Variants in STXBP6 observed in about 807,000 individuals in gnomAD.
The protein encoded by STXBP6 is syntaxin binding protein 6, also known as syntaxin-binding protein 6.
In STXBP6, 21 loss-of-function variants were observed where a neutral mutation model predicts 26.9. The observed-to-expected ratio is 0.78, with a 90% CI of 0.55 to 1.12. The LOEUF (loss-of-function observed/expected upper bound fraction) is 1.12, where lower values mean the gene tolerates loss of function less well. Among genes scored for constraint, STXBP6 ranks in the 50% most tolerant of loss-of-function variants. STXBP6 has a pLI of 0.00. For synonymous variants in STXBP6, 97 were observed against 92.6 expected (o/e 1.05, Z -0.27); for missense variants, 232 against 257.9 (o/e 0.90, Z 0.69).
intron 4 of STXBP6, among the ~76,000 whole-genome samples, chr14:24,829,586 T>C (rs987595987): frequency 1.1e-4 from 17 of 152,210 alleles, no homozygotes; most frequent in Non-Finnish European, 2.1e-4. Flanking sequence ...TACTCAACCA[T>C]TGATGTACTT....
chr14:25,020,344 T>C (rs2075239007), intron 1 of STXBP6, among the ~76,000 whole-genome samples: 1 of 152,212 alleles, frequency 6.6e-6, no homozygotes, highest in Non-Finnish European at 1.5e-5. Flanking sequence ...AGTATATATT[T>C]TGAAAACAAA....
intron 2 of STXBP6, among the ~76,000 whole-genome samples, chr14:24,890,065 T>C (rs1052043970): frequency 1.3e-5 from 2 of 152,246 alleles, no homozygotes; most frequent in African/African-American, 4.8e-5. Context: ...GGTATTGCTA[T>C]GGACTGCAAA....
intron 1 of STXBP6, among the ~76,000 whole-genome samples, chr14:25,020,911 G>A (rs531696409): frequency 6.6e-6 from 1 of 152,232 alleles, no homozygotes; most frequent in East Asian, 1.9e-4. Context: ...GTCTACAACT[G>A]TGCACCTGGA....
intron 2 of STXBP6, among the ~76,000 whole-genome samples, chr14:24,939,355 A>G (rs761304024): frequency 2.6e-5 from 4 of 152,216 alleles, no homozygotes; most frequent in Admixed American, 2.0e-4. Flanking sequence ...TAGGCAAGCT[A>G]AAGGGTAATG....
intron 2 of STXBP6, among the ~76,000 whole-genome samples, chr14:24,897,428 G>C (rs759850884): frequency 1.2e-5 from 1 of 80,402 alleles, no homozygotes; most frequent in African/African-American, 4.3e-5. Context: ...AAAAAAAAAA[G>C]GAAAAAAAAA....
intron 2 of STXBP6, among the ~76,000 whole-genome samples, chr14:24,959,298 G>T (rs2073447265): frequency 6.6e-6 from 1 of 152,156 alleles, no homozygotes; most frequent in Non-Finnish European, 1.5e-5. Flanking sequence ...TAGAGTGAAG[G>T]AACAGTGGCC....
At chr14:24,959,350 G>A (rs920789760) in intron 2 of STXBP6, among the ~76,000 whole-genome samples, 2 of 152,152 alleles carry the variant, frequency 1.3e-5, no homozygotes, top group Non-Finnish European at 2.9e-5. Context: ...GAAGCAAAGG[G>A]CACAAGAGGC....
At chr14:24,959,003 C>T (rs186885492) in intron 2 of STXBP6, among the ~76,000 whole-genome samples, 4 of 152,182 alleles carry the variant, frequency 2.6e-5, no homozygotes, top group South Asian at 2.1e-4. Flanking sequence ...TGTCATAATG[C>T]GTCTATCAAC....
intron 2 of STXBP6, among the ~76,000 whole-genome samples, chr14:24,920,245 T>A (rs927040916): frequency 2.0e-5 from 3 of 152,048 alleles, no homozygotes; most frequent in East Asian, 3.9e-4. Flanking sequence ...TGTATAAATG[T>A]TATTGTGTTT....
chr14:24,984,272 A>G (rs2140252250), intron 1 of STXBP6, among the ~76,000 whole-genome samples: 1 of 152,272 alleles, frequency 6.6e-6, no homozygotes, highest in South Asian at 2.1e-4. Flanking sequence ...AGAAAAAGAA[A>G]AAAGAAACCT....
At chr14:24,992,704 G>A (rs1186620313) in intron 1 of STXBP6, among the ~76,000 whole-genome samples, 1 of 152,150 alleles carries the variant, frequency 6.6e-6, no homozygotes, top group East Asian at 1.9e-4. Flanking sequence ...AATGCAATAA[G>A]CACCAATCAA....
At position 24,812,270 on chromosome 14, in the gene STXBP6, A is replaced by G. The variant is rs369862098; in HGVS notation, c.*439T>C. 6.3e-6 allele frequency: 1 copy of G among 159,218 alleles called. No individual in the cohort carries two copies. Among genetic ancestry groups the G allele is most frequent in the Non-Finnish European group, 1.4e-5 (1 of 72,390 alleles). 9.9% of individuals were successfully genotyped at this position (159,218 alleles called of 1,614,324 possible). A position where few individuals can be genotyped will look rare whatever the true frequency, so the allele number is the denominator to read the frequency against. On this transcript the variant is annotated 3_prime_UTR_variant, in exon 6 of 6. Transcript: ENST00000323944. Reference sequence around the variant, plus strand: ...TAATCACTGCTTGACTTTTATTTTCATCTAGGAAAAATAACATCTGATGTC... The same window carrying G: ...TAATCACTGCTTGACTTTTATTTTCGTCTAGGAAAAATAACATCTGATGTC...
intron 4 of STXBP6, among the ~76,000 whole-genome samples, chr14:24,843,754 C>T (rs989251972): frequency 6.6e-6 from 1 of 152,158 alleles, no homozygotes; most frequent in Non-Finnish European, 1.5e-5. Flanking sequence ...CATACCACAT[C>T]CTACCAGGAA....
intron 1 of STXBP6, among the ~76,000 whole-genome samples, chr14:25,047,159 T>G (rs2075740186): frequency 6.6e-6 from 1 of 152,206 alleles, no homozygotes. Flanking sequence ...TCCACAAATG[T>G]CTGAGGTTTC....
chr14:25,029,475 T>TA (rs1199291588), intron 1 of STXBP6, among the ~76,000 whole-genome samples: 5 of 152,182 alleles, frequency 3.3e-5, no homozygotes, highest in African/African-American at 1.2e-4. Context: ...GGACACTTAA[T>TA]AGACTTCAGT....
At chr14:24,899,803 A>AAAAAAAAAAAAAAAAAAAAGC (rs2071144681) in intron 2 of STXBP6, among the ~76,000 whole-genome samples, 1 of 80,118 alleles carries the variant, frequency 1.2e-5, no homozygotes, top group Non-Finnish European at 2.2e-5. Flanking sequence ...AAAAAAAGCA[A>AAAAAAAAAAAAAAAAAAAAGC]AAAAAAAAAA....
chr14:24,831,845 A>T (rs2068463757), intron 4 of STXBP6, among the ~76,000 whole-genome samples: 1 of 152,056 alleles, frequency 6.6e-6, no homozygotes, highest in Non-Finnish European at 1.5e-5. Flanking sequence ...ATTGTTTGAG[A>T]TTGGAAAGCA....
chr14:24,877,227 T>C (rs2070176921), intron 2 of STXBP6, among the ~76,000 whole-genome samples: 1 of 152,230 alleles, frequency 6.6e-6, no homozygotes, highest in Non-Finnish European at 1.5e-5. Flanking sequence ...TCTTTTATGA[T>C]GGTCTGTACT....
chr14:24,923,624 C>T (rs571993436), intron 2 of STXBP6, among the ~76,000 whole-genome samples: 3 of 152,270 alleles, frequency 2.0e-5, no homozygotes, highest in East Asian at 1.9e-4. Flanking sequence ...ACTTCAGAAA[C>T]GTTTTCCACT....
Sources: allele counts gnomAD v4.1 joint callset (sites outside exome capture counted in the v4.1 genomes callset), GRCh38; gene constraint gnomAD v4.1.1; transcripts MANE v1.5; gene names NCBI Gene and HGNC (gene_info 2026-07-23, HGNC 2026-07-21).